PCDH10: variants seen among roughly 807,000 people sequenced by gnomAD.
PCDH10 encodes the protein protocadherin-10.
PCDH10 carries 15 observed loss-of-function variants against 74.4 expected under a neutral mutation model. The observed-to-expected ratio is 0.20, with a 90% CI of 0.13 to 0.31. The LOEUF (loss-of-function observed/expected upper bound fraction) is 0.31, where lower values mean the gene tolerates loss of function less well. Among genes scored for constraint, PCDH10 ranks in the 10% least tolerant of loss-of-function variants. PCDH10 has a pLI of 1.00. For missense variants in PCDH10, 1,260 were observed against 1,390.2 expected (o/e 0.91, Z 1.49); for synonymous variants, 619 against 589.8 (o/e 1.05, Z -0.72).
chr4:133,173,119 T>C (rs1578568887), intron 4 of PCDH10, among the ~76,000 whole-genome samples: 1 of 152,026 alleles, frequency 6.6e-6, no homozygotes, highest in Non-Finnish European at 1.5e-5. Context: ...TTCATTTTTC[T>C]TTGAACGCAG....
intron 2 of PCDH10, among the ~76,000 whole-genome samples, chr4:133,201,856 C>CAAA (rs11400760): frequency 0.029 from 2,054 of 71,204 alleles, 94 homozygotes; most frequent in African/African-American, 0.072. Flanking sequence ...AACTCCATCT[C>CAAA]AAAAAAAAAA....
chr4:133,206,721 A>C (rs1728012462), intron 2 of PCDH10, among the ~76,000 whole-genome samples: 1 of 152,112 alleles, frequency 6.6e-6, no homozygotes, highest in African/African-American at 2.4e-5. Flanking sequence ...AAGTTTTAGG[A>C]GGAAGAAAGG....
chr4:133,172,600 C>T (rs978677226), intron 4 of PCDH10, among the ~76,000 whole-genome samples: 2 of 152,106 alleles, frequency 1.3e-5, no homozygotes, highest in Admixed American at 1.3e-4. Context: ...TTCTTCTGCC[C>T]ACTTACAGTT....
At chr4:133,207,086 T>C (rs1728021795) in intron 2 of PCDH10, among the ~76,000 whole-genome samples, 1 of 152,104 alleles carries the variant, frequency 6.6e-6, no homozygotes, top group Non-Finnish European at 1.5e-5. Flanking sequence ...TTTTTTGTAA[T>C]ATCATTATCT....
At chr4:133,200,889 C>T (rs1181933776) in intron 2 of PCDH10, among the ~76,000 whole-genome samples, 1 of 152,154 alleles carries the variant, frequency 6.6e-6, no homozygotes, top group Non-Finnish European at 1.5e-5. Flanking sequence ...TCTAGAACCT[C>T]ATTTTATATT....
intron 2 of PCDH10, among the ~76,000 whole-genome samples, chr4:133,206,467 C>G (rs972474608): frequency 1.3e-5 from 2 of 152,042 alleles, no homozygotes; most frequent in African/African-American, 4.8e-5. Context: ...TTATTTTTAC[C>G]CCTACTTCAG....
At chr4:133,200,278 G>T (rs1243192933) in intron 2 of PCDH10, among the ~76,000 whole-genome samples, 1 of 151,490 alleles carries the variant, frequency 6.6e-6, no homozygotes, top group Non-Finnish European at 1.5e-5. Context: ...AAGTTTTTTT[G>T]TATATATAAC....
intron 2 of PCDH10, among the ~76,000 whole-genome samples, chr4:133,207,246 C>T (rs1260977883): frequency 2.6e-5 from 4 of 151,856 alleles, no homozygotes; most frequent in East Asian, 1.9e-4. Flanking sequence ...AACTCAATAT[C>T]CCTTTTTGGT....
intron 3 of PCDH10, among the ~76,000 whole-genome samples, chr4:133,157,895 C>T (rs1014197823): frequency 5.9e-5 from 9 of 152,124 alleles, no homozygotes; most frequent in Non-Finnish European, 1.2e-4. Context: ...GCTTTAAACA[C>T]GAAGGCAGCT....
intron 4 of PCDH10, among the ~76,000 whole-genome samples, chr4:133,171,660 G>A (rs538973629): frequency 2.0e-4 from 30 of 152,200 alleles, no homozygotes; most frequent in African/African-American, 6.3e-4. Flanking sequence ...TAATTTGAAT[G>A]GTAGGAATAA....
intron 4 of PCDH10, among the ~76,000 whole-genome samples, chr4:133,187,782 T>C (rs375825388): frequency 2.6e-5 from 4 of 152,248 alleles, no homozygotes; most frequent in African/African-American, 9.6e-5. Context: ...TTCTTAAAAC[T>C]GTGAACCATT....
chr4:133,185,428 G>A (rs957599267), intron 4 of PCDH10, among the ~76,000 whole-genome samples: 3 of 151,940 alleles, frequency 2.0e-5, no homozygotes, highest in African/African-American at 7.3e-5. Flanking sequence ...AAAGGGAACC[G>A]TTAAACATGG....
At position 133,190,457 on chromosome 4, in the gene PCDH10, C is replaced by G; in HGVS notation, c.*297C>G. ...TTTCTCTCTCCAAATGTCACTGAGC[C>G]CTTTAGATGTTTATATTCACCACGA... is the stretch of plus-strand genomic sequence containing the variant. On this transcript the variant is annotated 3_prime_UTR_variant, in exon 5 of 5. Coordinates refer to ENST00000264360, the MANE Select transcript of PCDH10 (RefSeq NM_032961.3). 2.8e-6 allele frequency: 1 copy of G among 359,282 alleles called. No individual in the cohort carries two copies. Among genetic ancestry groups the G allele is most frequent in the Non-Finnish European group, 5.0e-6 (1 of 198,732 alleles). 22.3% of individuals were successfully genotyped at this position (359,282 alleles called of 1,614,324 possible). A position where few individuals can be genotyped will look rare whatever the true frequency, so the allele number is the denominator to read the frequency against.
intron 4 of PCDH10, among the ~76,000 whole-genome samples, chr4:133,170,551 C>G (rs530443131): frequency 6.6e-6 from 1 of 152,044 alleles, no homozygotes; most frequent in Admixed American, 6.6e-5. Context: ...TTATATCTAT[C>G]GAACAGACTT....
intron 4 of PCDH10, among the ~76,000 whole-genome samples, chr4:133,181,134 T>C (rs7697308): frequency 6.6e-6 from 1 of 151,888 alleles, no homozygotes; most frequent in African/African-American, 2.4e-5. Flanking sequence ...TTATTTAATA[T>C]GCTATATCCA....
At chr4:133,160,455 T>G (rs1182359770) in intron 3 of PCDH10, among the ~76,000 whole-genome samples, 3 of 151,574 alleles carry the variant, frequency 2.0e-5, no homozygotes, top group Non-Finnish European at 4.4e-5. Flanking sequence ...TAATACAGAT[T>G]CTCAACTTGT....
chr4:133,168,493 A>C (rs1727134475), intron 4 of PCDH10, among the ~76,000 whole-genome samples: 1 of 151,570 alleles, frequency 6.6e-6, no homozygotes, highest in Non-Finnish European at 1.5e-5. Flanking sequence ...TGCCATTTTA[A>C]TGACTTCAAA....
chr4:133,206,531 C>T (rs1447023604), intron 2 of PCDH10, among the ~76,000 whole-genome samples: 1 of 152,092 alleles, frequency 6.6e-6, no homozygotes, highest in Admixed American at 6.6e-5. Flanking sequence ...TGGGATAAAC[C>T]AGGTTTCTTC....
At position 133,190,143 on chromosome 4, in the gene PCDH10, C is replaced by T. The variant is rs1424464634; in HGVS notation, c.3106C>T (p.Arg1036Trp). Reference sequence around the variant, plus strand: ...GTATTTTTCTTTCTTTTTCACAGCACGGAAAAGGATATGCTAGTCAATTCT... The same window carrying T: ...GTATTTTTCTTTCTTTTTCACAGCATGGAAAAGGATATGCTAGTCAATTCT... ...RAPYKPPYLT[R>W]KRIC The change falls in exon 5 of 5, where the codon CGG becomes TGG. Residue 1036 changes from arginine to tryptophan, a missense_variant and splice_region_variant. Transcript: ENST00000264360. 17 of 1,610,768 alleles carry T rather than the reference C, an allele frequency of 1.1e-5. No individual in the cohort carries two copies. Among genetic ancestry groups the T allele is most frequent in the East Asian group, 2.2e-5 (1 of 44,832 alleles).
Sources: allele counts gnomAD v4.1 joint callset (sites outside exome capture counted in the v4.1 genomes callset), GRCh38; gene constraint gnomAD v4.1.1; transcripts MANE v1.5; gene names NCBI Gene and HGNC (gene_info 2026-07-23, HGNC 2026-07-21).